CBFA2T3: variants seen among roughly 807,000 people sequenced by gnomAD.
CBFA2T3 encodes the protein CBFA2/RUNX1 partner transcriptional co-repressor 3.
Under a neutral mutation model 58.6 loss-of-function variants are expected in CBFA2T3, and 31 were observed. The ratio of observed to expected loss-of-function variants is 0.53; its 90% CI spans 0.40 to 0.71. The LOEUF is 0.71. Among genes scored for constraint, CBFA2T3 ranks in the 30% least tolerant of loss-of-function variants. CBFA2T3 has a pLI of 0.00. For missense variants in CBFA2T3, 1,076 were observed against 963.1 expected, an observed-to-expected ratio of 1.12 and a Z score of -1.55; for synonymous variants, 531 against 421.9, an observed-to-expected ratio of 1.26 and a Z score of -3.17.
chr16:88,897,092 C>G (rs1298929583), intron 3 of CBFA2T3, among the ~76,000 whole-genome samples: 3 of 152,236 alleles, frequency 2.0e-5, no homozygotes, highest in Non-Finnish European at 4.4e-5. Context: ...GCGACAGAGG[C>G]ACCCTAACGC....
At chr16:88,944,753 G>T (rs1014109563) in intron 1 of CBFA2T3, among the ~76,000 whole-genome samples, 4 of 152,234 alleles carry the variant, frequency 2.6e-5, no homozygotes, top group Non-Finnish European at 5.9e-5. Flanking sequence ...CCGCAGTCAT[G>T]GCCCCTTCTT....
At chr16:88,971,533 G>GTCC (rs1006360204) in intron 1 of CBFA2T3, among the ~76,000 whole-genome samples, 7 of 152,258 alleles carry the variant, frequency 4.6e-5, no homozygotes, top group African/African-American at 1.7e-4. Flanking sequence ...GTGGACCTGT[G>GTCC]TCCTGGGCAA....
At chr16:88,898,890 G>A (rs771577478) in intron 2 of CBFA2T3, among the ~76,000 whole-genome samples, 1 of 152,364 alleles carries the variant, frequency 6.6e-6, no homozygotes, top group South Asian at 2.1e-4. Context: ...GATTGAATTT[G>A]TTCGAGCTGA....
In CBFA2T3 at chr16:88,885,008, AAC is replaced by A; in HGVS notation, c.1117+36_1117+37del. 6.7e-7 allele frequency: 1 copy of A among 1,485,344 alleles called. No individual in the cohort carries two copies. Among genetic ancestry groups the A allele is most frequent in the Non-Finnish European group, 9.1e-7 (1 of 1,094,048 alleles). The allele number at this position is 1,485,344 out of a possible 1,614,324, so 92.0% of individuals were successfully genotyped here. On this transcript the variant is annotated intron_variant, in intron 7 of 11. Coordinates refer to ENST00000268679, the MANE Select transcript of CBFA2T3 (RefSeq NM_005187.6). The surrounding 1 kb of genome is among the most constrained non-coding windows in gnomAD (Gnocchi z 5.3). ...CATGTGGGCGCATGTGTGCTCCTGT[AAC>A]ACGCGTCCACGCTCCCGCCCCACCG...
chr16:88,935,866 TG>T (rs1174764074), intron 1 of CBFA2T3, among the ~76,000 whole-genome samples: 1 of 152,196 alleles, frequency 6.6e-6, no homozygotes, highest in African/African-American at 2.4e-5. Context: ...CCTTTGTGAC[TG>T]CATTTTGCGT....
rs533837509 is a variant in CBFA2T3 at position 88,976,546 on chromosome 16, G to A, written c.151+111C>T. ...GTGAGTCAACACGGCCATCCGTGCC[G>A]GCACTGTCAACTAAGCTGGGCAGGC... On this transcript the variant is annotated intron_variant, in intron 1 of 11. Transcript: ENST00000268679. 6.0e-5 allele frequency: 47 copies of A among 784,372 alleles called. No individual in the cohort carries two copies. In the East Asian group the frequency reaches 7.3e-4, roughly 12 times the overall value. The allele number at this position is 784,372 out of a possible 1,614,324, so 48.6% of individuals were successfully genotyped here. A position where few individuals can be genotyped will look rare whatever the true frequency, so the allele number is the denominator to read the frequency against.
At chr16:88,935,861 G>A (rs1343467315) in intron 1 of CBFA2T3, among the ~76,000 whole-genome samples, 1 of 152,232 alleles carries the variant, frequency 6.6e-6, no homozygotes, top group Admixed American at 6.5e-5. Context: ...AAATGCCTTT[G>A]TGACTGCATT....
chr16:88,911,076 C>T (rs943672610), intron 1 of CBFA2T3, among the ~76,000 whole-genome samples: 1 of 152,264 alleles, frequency 6.6e-6, no homozygotes, highest in Non-Finnish European at 1.5e-5. Context: ...TAGGCAGACC[C>T]TCCCGCCCCC....
intron 1 of CBFA2T3, chr16:88,940,930 G>A (rs1240612639): frequency 1.5e-6 from 1 of 671,618 alleles, no homozygotes; most frequent in Non-Finnish European, 1.8e-6. Context: ...CCGTGCGCTC[G>A]GCGCGGCTGC....
At chr16:88,895,843 G>A (rs1264139617) in intron 3 of CBFA2T3, among the ~76,000 whole-genome samples, 1 of 152,188 alleles carries the variant, frequency 6.6e-6, no homozygotes, top group African/African-American at 2.4e-5. Context: ...AGTGAGGACC[G>A]GCCGCCAGGC....
intron 1 of CBFA2T3, among the ~76,000 whole-genome samples, chr16:88,931,379 C>G (rs1200333379): frequency 6.6e-6 from 1 of 152,124 alleles, no homozygotes; most frequent in Admixed American, 6.5e-5. Context: ...AAACAACCCC[C>G]TTCCAGAGAC....
At chr16:88,976,030 G>A (rs950610730) in intron 1 of CBFA2T3, among the ~76,000 whole-genome samples, 5 of 152,228 alleles carry the variant, frequency 3.3e-5, no homozygotes, top group Admixed American at 6.5e-5. Context: ...CTTGTCCTGG[G>A]ACTTCGCAGG....
In CBFA2T3 at chr16:88,876,103, T is replaced by G. The variant is rs183319129; in HGVS notation, c.*873A>C. The G allele has an allele frequency of 4.3e-6, 1 of 232,766 alleles. No homozygotes were observed. The highest frequency in any genetic ancestry group is 8.5e-6 in the Non-Finnish European group (1 of 117,512). 14.4% of individuals were successfully genotyped at this position (232,766 alleles called of 1,614,324 possible). ...CAAGTGAAACAGTGAAAAAAATACT[T>G]TGGCAGTGACAAACAAATTTTGGAT... On this transcript the variant is annotated 3_prime_UTR_variant, in exon 12 of 12. Coordinates refer to ENST00000268679, the MANE Select transcript of CBFA2T3 (RefSeq NM_005187.6).
Position 88,892,316 on chromosome 16 carries a change from T to C in CBFA2T3, c.549A>G (p.Thr183=). 1.9e-6 allele frequency: 3 copies of C among 1,612,704 alleles called. No homozygotes were observed. Among genetic ancestry groups the C allele is most frequent in the African/African-American group, 1.3e-5 (1 of 74,936 alleles). The change falls in exon 4 of 12, where the codon ACA becomes ACG. Residue 183 remains threonine, a synonymous_variant. Coordinates refer to ENST00000268679, the MANE Select transcript of CBFA2T3 (RefSeq NM_005187.6). ...AGATGTCGCTGCCAAACTGCTGCAG[T>C]GTGGTGAGGAAGCGCTTGAGCTTGC... ...QLSKLKRFLT[T]LQQFGSDISP... is the part of the protein sequence containing the mutation.
intron 1 of CBFA2T3, among the ~76,000 whole-genome samples, chr16:88,968,143 G>A (rs1275734949): frequency 1.3e-5 from 2 of 152,232 alleles, no homozygotes; most frequent in African/African-American, 4.8e-5. Context: ...CCACCTGGAG[G>A]AAATAGGCCC....
Position 88,877,216 on chromosome 16 carries a change from G to T in CBFA2T3, c.1722C>A (p.Arg574=). ...SETCSGCNAA[R]YCGSFCQHRD... ...GATGCTGGCAGAAGGACCCGCAGTA[G>T]CGTGCCGCGTTGCAGCCGCTGCACG... The change falls in exon 12 of 12, where the codon CGC becomes CGA. Residue 574 remains arginine, a synonymous_variant. Coordinates refer to ENST00000268679, the MANE Select transcript of CBFA2T3 (RefSeq NM_005187.6). The T allele has an allele frequency of 6.4e-7, 1 of 1,556,202 alleles. No homozygotes were observed. The highest frequency in any genetic ancestry group is 8.7e-7 in the Non-Finnish European group (1 of 1,150,530).
chr16:88,931,040 A>G (rs1323880553), intron 1 of CBFA2T3, among the ~76,000 whole-genome samples: 1 of 152,040 alleles, frequency 6.6e-6, no homozygotes, highest in African/African-American at 2.4e-5. Flanking sequence ...TTAAAAAAAC[A>G]GCGGGGAGAC....
intron 1 of CBFA2T3, among the ~76,000 whole-genome samples, chr16:88,905,503 T>C (rs1970274707): frequency 6.6e-6 from 1 of 151,688 alleles, no homozygotes; most frequent in Non-Finnish European, 1.5e-5. Context: ...GTCTCTGTGC[T>C]TGACTGGGCC....
At chr16:88,894,906 C>G (rs1350252779) in intron 3 of CBFA2T3, among the ~76,000 whole-genome samples, 3 of 151,090 alleles carry the variant, frequency 2.0e-5, no homozygotes. Context: ...AGCGGCTCCC[C>G]CTGGGCAGCC....
Sources: gnomAD v4.1 joint callset for allele counts (sites outside exome capture counted in the v4.1 genomes callset) on GRCh38, gnomAD v4.1.1 for gene constraint, Gnocchi (gnomAD v3.1) non-coding constraint, MANE v1.5 for transcripts, NCBI Gene and HGNC (gene_info 2026-07-23, HGNC 2026-07-21) for gene names.